The following SNRPD1 variants were observed in gnomAD, a reference collection of about 807,000 sequenced individuals.
SNRPD1 encodes small nuclear ribonucleoprotein Sm D1.
Under a neutral mutation model 14.4 loss-of-function variants are expected in SNRPD1, and 1 was observed. The observed-to-expected ratio is 0.07, with a 90% confidence interval of 0.02 to 0.33. The LOEUF (loss-of-function observed/expected upper bound fraction) is 0.33. SNRPD1 is among the 10% of genes least tolerant of loss of function. The pLI, the probability that SNRPD1 is intolerant of heterozygous loss-of-function variation, is 1.00. For missense variants in SNRPD1, 52 were observed against 146.4 expected (o/e 0.36, Z 3.33); for synonymous variants, 42 against 50.3 (o/e 0.83, Z 0.70).
intron 1 of SNRPD1, among the ~76,000 whole-genome samples, chr18:21,620,822 T>C (rs1277857018): frequency 6.6e-6 from 1 of 152,092 alleles, no homozygotes; most frequent in Non-Finnish European, 1.5e-5. Flanking sequence ...AGAATGTCAA[T>C]AATGTGAACA....
intron 3 of SNRPD1, among the ~76,000 whole-genome samples, chr18:21,628,665 G>C (rs190447320): frequency 6.6e-6 from 1 of 152,146 alleles, no homozygotes; most frequent in Non-Finnish European, 1.5e-5. Flanking sequence ...ATTTTATTCA[G>C]TTACCAAAAC....
chr18:21,621,756 T>A (rs1295443414), intron 1 of SNRPD1, among the ~76,000 whole-genome samples: 1 of 152,046 alleles, frequency 6.6e-6, no homozygotes, highest in Admixed American at 6.6e-5. Context: ...TTTTGTGTTT[T>A]TGTAGAGATG....
intron 3 of SNRPD1, among the ~76,000 whole-genome samples, chr18:21,627,062 G>T (rs2039045390): frequency 6.6e-6 from 1 of 151,542 alleles, no homozygotes; most frequent in Non-Finnish European, 1.5e-5. Context: ...GCCGAGGCAG[G>T]TGGATCACCA....
chr18:21,614,202 G>A (rs1404868891), intron 1 of SNRPD1, among the ~76,000 whole-genome samples: 2 of 152,128 alleles, frequency 1.3e-5, no homozygotes, highest in Non-Finnish European at 2.9e-5. Flanking sequence ...GATCCTGGGA[G>A]GTTGCAGTGA....
rs112081085 is a variant in SNRPD1, at chr18:21,629,421, T to C, written c.*283T>C. The C allele has an allele frequency of 4.7e-4, 132 of 283,660 alleles. 2 individuals are homozygous for C. Among genetic ancestry groups the C allele is most frequent in the African/African-American group, 2.7e-3 (125 of 45,616 alleles). The allele number at this position is 283,660 out of a possible 1,614,324, so 17.6% of individuals were successfully genotyped here. A position where few individuals can be genotyped will look rare whatever the true frequency, so the allele number is the denominator to read the frequency against. On this transcript the variant is annotated 3_prime_UTR_variant, in exon 4 of 4. Transcript: ENST00000300413. ...GGTTAAAATAAAAGCCTTAGACAAATTAAATTTGGCAGAGTTTAATTGAGC... is the reference window on the plus strand; with the variant it reads ...GGTTAAAATAAAAGCCTTAGACAAACTAAATTTGGCAGAGTTTAATTGAGC...
chr18:21,615,800 G>A (rs879294294), intron 1 of SNRPD1, among the ~76,000 whole-genome samples: 1 of 152,136 alleles, frequency 6.6e-6, no homozygotes, highest in Non-Finnish European at 1.5e-5. Flanking sequence ...TATGTGTTTA[G>A]CTTTTTAAGA....
intron 1 of SNRPD1, among the ~76,000 whole-genome samples, chr18:21,615,269 C>G (rs1229343168): frequency 6.6e-6 from 1 of 152,152 alleles, no homozygotes; most frequent in Non-Finnish European, 1.5e-5. Context: ...TGAAGTGTAT[C>G]AGTAATGTGT....
At chr18:21,624,861 T>A (rs1475844414) in intron 3 of SNRPD1, among the ~76,000 whole-genome samples, 2 of 152,074 alleles carry the variant, frequency 1.3e-5, no homozygotes, top group Non-Finnish European at 1.5e-5. Flanking sequence ...ATGGTAGTAG[T>A]GTTTCAGTGC....
intron 1 of SNRPD1, among the ~76,000 whole-genome samples, chr18:21,621,549 C>T (rs1005894499): frequency 2.0e-5 from 3 of 151,928 alleles, no homozygotes; most frequent in African/African-American, 7.3e-5. Flanking sequence ...TACAGGCGTG[C>T]GCCACCTTGC....
chr18:21,612,594 C>G (rs940897038), intron 1 of SNRPD1, 151 bp downstream of exon 1: 3 of 549,726 alleles, frequency 5.5e-6, no homozygotes, highest in South Asian at 3.4e-5. Flanking sequence ...AGCTCGTGCT[C>G]GGGCCTGGGC....
At chr18:21,612,630 C>T (rs1275560849) in intron 1 of SNRPD1, among the ~76,000 whole-genome samples, 187 bp downstream of exon 1, 1 of 152,286 alleles carries the variant, frequency 6.6e-6, no homozygotes, top group Non-Finnish European at 1.5e-5. Flanking sequence ...TCGCGGATCC[C>T]GCGTGTCTTC....
rs759988726 is a variant in SNRPD1 at position 21,626,945 on chromosome 18, AT to A, written c.284-2103del. Reference sequence around the variant, plus strand: ...CTGCGTTGGCCTCCCAAATGTTTGGATTTTTTTTTTTTTTGAATAAACATTT... The same window carrying A: ...CTGCGTTGGCCTCCCAAATGTTTGGATTTTTTTTTTTTTGAATAAACATTT... On this transcript the variant is annotated intron_variant, in intron 3 of 3. Coordinates refer to ENST00000300413, the MANE Select transcript of SNRPD1 (RefSeq NM_006938.4). Among the ~76,000 whole-genome samples, 299 of 135,430 alleles carry A rather than the reference AT, an allele frequency of 2.2e-3. 1 individual carries two copies. The highest frequency in any genetic ancestry group is 2.5e-3 in the African/African-American group (91 of 37,020). 88.8% of individuals were successfully genotyped at this position (135,430 alleles called of 152,430 possible). A position where few individuals can be genotyped will look rare whatever the true frequency, so the allele number is the denominator to read the frequency against.
Position 21,631,128 on chromosome 18 carries a change from AT to A in SNRPD1, c.*1996del, listed in dbSNP as rs1385789142. The A allele has an allele frequency of 6.6e-6, 1 of 151,640 alleles. No individual in the cohort carries two copies. The highest frequency in any genetic ancestry group is 1.5e-5 in the Non-Finnish European group (1 of 67,944). 9.4% of individuals were successfully genotyped at this position (151,640 alleles called of 1,614,324 possible). On this transcript the variant is annotated 3_prime_UTR_variant, in exon 4 of 4. Coordinates refer to ENST00000300413, the MANE Select transcript of SNRPD1 (RefSeq NM_006938.4). Reference sequence around the variant, plus strand: ...TATGAAATTCATGATGATTAAGACAATTTTTTCTTTCTTTCTTTTGAGACAG... The same window carrying A: ...TATGAAATTCATGATGATTAAGACAATTTTTCTTTCTTTCTTTTGAGACAG...
At chr18:21,619,083 T>G (rs957519485) in intron 1 of SNRPD1, among the ~76,000 whole-genome samples, 9 of 152,202 alleles carry the variant, frequency 5.9e-5, no homozygotes, top group Admixed American at 5.9e-4. Context: ...TTCTTAGATG[T>G]GATTGTGAGA....
chr18:21,615,951 G>A (rs572806004), intron 1 of SNRPD1, among the ~76,000 whole-genome samples: 2 of 152,260 alleles, frequency 1.3e-5, no homozygotes, highest in Non-Finnish European at 2.9e-5. Flanking sequence ...TAGTGGGTAT[G>A]TAGTGGTATC....
At position 21,612,398 on chromosome 18, in the gene SNRPD1, T is replaced by C. The variant is rs2038924800; in HGVS notation, c.-32T>C. 1.3e-6 allele frequency: 2 copies of C among 1,542,092 alleles called. No individual in the cohort carries two copies. The highest frequency in any genetic ancestry group is 1.4e-5 in the African/African-American group (1 of 72,456). ...TGTTCGGTTGAAGGATTCTGTGTGC[T>C]GTCGGACCCAGAGGGTGACGGCGCC... On this transcript the variant is annotated 5_prime_UTR_variant, in exon 1 of 4. Transcript: ENST00000300413.
In SNRPD1 at chr18:21,630,874, A is replaced by G. The variant is rs2039077920; in HGVS notation, c.*1736A>G. 1.3e-5 allele frequency: 2 copies of G among 148,994 alleles called. No homozygotes were observed. The highest frequency in any genetic ancestry group is 1.3e-4 in the Admixed American group (2 of 14,836). 9.2% of individuals were successfully genotyped at this position (148,994 alleles called of 1,614,324 possible). ...TATACATGTAGAATGTACCTGTCAT[A>G]TATATTAGATATATAAATGTATATA... On this transcript the variant is annotated 3_prime_UTR_variant, in exon 4 of 4. Transcript: ENST00000300413.
In SNRPD1 at chr18:21,632,182, C is replaced by T. The variant is rs1384234770; in HGVS notation, c.*3044C>T. 2 of 152,072 alleles carry T rather than the reference C, an allele frequency of 1.3e-5. No homozygotes were observed. The highest frequency in any genetic ancestry group is 6.6e-5 in the Admixed American group (1 of 15,240). The allele number at this position is 152,072 out of a possible 1,614,324, so 9.4% of individuals were successfully genotyped here. A position where few individuals can be genotyped will look rare whatever the true frequency, so the allele number is the denominator to read the frequency against. ...AAGAGATCTAAAATTACGTTTTGTC[C>T]TGGCATGGTGGCTCATGCCTGTGAC... On this transcript the variant is annotated 3_prime_UTR_variant, in exon 4 of 4. Coordinates refer to ENST00000300413, the MANE Select transcript of SNRPD1 (RefSeq NM_006938.4).
intron 1 of SNRPD1, among the ~76,000 whole-genome samples, chr18:21,614,667 A>G (rs1317627003): frequency 1.3e-5 from 2 of 152,194 alleles, no homozygotes; most frequent in African/African-American, 2.4e-5. Context: ...TACATTGCCA[A>G]TTTTGCCAGT....
Sources: gnomAD v4.1 joint callset for allele counts (sites outside exome capture counted in the v4.1 genomes callset) on GRCh38, gnomAD v4.1.1 for gene constraint, MANE v1.5 for transcripts, NCBI Gene and HGNC (gene_info 2026-07-23, HGNC 2026-07-21) for gene names.